The following DPP6 variants were observed in gnomAD, a reference collection of about 807,000 sequenced individuals.
DPP6 encodes A-type potassium channel modulatory protein DPP6.
DPP6 carries 69 observed loss-of-function variants against 122.6 expected under a neutral mutation model. The observed-to-expected ratio is 0.56, with a 90% CI of 0.46 to 0.69. The LOEUF (loss-of-function observed/expected upper bound fraction) is 0.69. Ranked by LOEUF, DPP6 falls within the 30% of genes least tolerant of loss-of-function variation. The pLI is 0.00. For missense variants in DPP6, 928 were observed against 1,116.9 expected (o/e 0.83, Z 2.41); for synonymous variants, 418 against 433.1 (o/e 0.97, Z 0.43).
chr7:154,764,764 C>T (rs547680686), intron 8 of DPP6, among the ~76,000 whole-genome samples: 17 of 152,324 alleles, frequency 1.1e-4, no homozygotes, highest in East Asian at 3.9e-4. Context: ...GTATTACAAA[C>T]TTCCAAGCTT....
chr7:154,764,286 C>A (rs565851145), intron 8 of DPP6, among the ~76,000 whole-genome samples: 8 of 152,234 alleles, frequency 5.3e-5, no homozygotes, highest in Non-Finnish European at 1.2e-4. Flanking sequence ...CTAAGGACCT[C>A]AAGAATTCAC....
In DPP6 at chr7:154,837,222, G is replaced by GCA. The variant is rs543706657; in HGVS notation, c.1667-16548_1667-16547dup. ...CGCACATTCACACATGCACACACAT[G>GCA]CACACACACACGCATGCATAAGGCA... On this transcript the variant is annotated intron_variant, in intron 16 of 25. Transcript: ENST00000377770. 1.8e-3 allele frequency among the ~76,000 whole-genome samples: 261 copies of GCA among 147,202 alleles called. 1 individual carries two copies. The highest frequency in any genetic ancestry group is 7.4e-3 in the Middle Eastern group (2 of 272).
chr7:154,677,525 T>A (rs896600921), intron 7 of DPP6, among the ~76,000 whole-genome samples: 1 of 152,338 alleles, frequency 6.6e-6, no homozygotes. Flanking sequence ...ACCTAAGATA[T>A]GGAGGAAGAG....
chr7:154,438,313 CA>C (rs1023157860), intron 1 of DPP6, among the ~76,000 whole-genome samples: 60 of 150,954 alleles, frequency 4.0e-4, no homozygotes, highest in African/African-American at 1.4e-3. Flanking sequence ...TAAAAAAATA[CA>C]AAAAAATTAG....
chr7:154,760,221 G>T lies in DPP6; in HGVS notation c.884-9196G>T, dbSNP rs924740029. ...CAGTAATTTTATTTTTAAAGGAAAA[G>T]GATTCAGCAGGCGGATTCTGGGATT... On this transcript the variant is annotated intron_variant, in intron 8 of 25. Transcript: ENST00000377770. The surrounding 1 kb of genome is among the most constrained non-coding windows in gnomAD (Gnocchi z 4.5). 3.3e-5 allele frequency among the ~76,000 whole-genome samples: 5 copies of T among 152,200 alleles called. No individual in the cohort carries two copies. The highest frequency in any genetic ancestry group is 7.3e-5 in the Non-Finnish European group (5 of 68,042).
intron 1 of DPP6, among the ~76,000 whole-genome samples, chr7:154,225,134 T>C (rs111548362): frequency 0.047 from 7,215 of 152,114 alleles, 558 homozygotes; most frequent in African/African-American, 0.16. Flanking sequence ...AGAGTGAGAC[T>C]CTGTCTCAAA....
chr7:154,534,521 T>C (rs1309717354), intron 3 of DPP6, among the ~76,000 whole-genome samples: 1 of 152,134 alleles, frequency 6.6e-6, no homozygotes, highest in Non-Finnish European at 1.5e-5. Context: ...AACAAAAAAG[T>C]GCATTGAGTA....
At chr7:154,708,989 A>T (rs1394690160) in intron 7 of DPP6, among the ~76,000 whole-genome samples, 1 of 152,174 alleles carries the variant, frequency 6.6e-6, no homozygotes, top group Non-Finnish European at 1.5e-5. Context: ...CAGAGGTTGC[A>T]GTGAGCCAAG....
intron 1 of DPP6, among the ~76,000 whole-genome samples, chr7:154,321,138 C>A (rs948599305): frequency 6.6e-6 from 1 of 151,966 alleles, no homozygotes; most frequent in African/African-American, 2.4e-5. Context: ...CCAAAATTAG[C>A]AGGTGGTGCA....
intron 1 of DPP6, among the ~76,000 whole-genome samples, chr7:153,941,732 T>TC (rs1204231210): frequency 1.3e-5 from 2 of 152,170 alleles, no homozygotes; most frequent in Non-Finnish European, 2.9e-5. Context: ...TGAAGGTGTA[T>TC]CAGGTACACA....
intron 1 of DPP6, among the ~76,000 whole-genome samples, chr7:154,120,167 T>C (rs1351853317): frequency 1.3e-5 from 2 of 152,218 alleles, no homozygotes; most frequent in African/African-American, 2.4e-5. Context: ...TTATAATTTT[T>C]TTTTATTTTT....
chr7:154,425,621 G>GGTGTGTGTGT (rs3056535), intron 1 of DPP6, among the ~76,000 whole-genome samples: 24 of 121,514 alleles, frequency 2.0e-4, no homozygotes, highest in African/African-American at 8.3e-4. Context: ...TGTGTGTGTG[G>GGTGTGTGTGT]GTGTGTGTGT....
At chr7:154,581,944 C>A (rs1832100966) in intron 5 of DPP6, among the ~76,000 whole-genome samples, 1 of 152,210 alleles carries the variant, frequency 6.6e-6, no homozygotes, top group Non-Finnish European at 1.5e-5. Context: ...CCACATGTCA[C>A]CCAGAGGCAG....
At chr7:153,749,992 A>G in the DPP6 span, among the ~76,000 whole-genome samples, 1 of 152,188 alleles carries the variant, frequency 6.6e-6, no homozygotes, top group Non-Finnish European at 1.5e-5. The surrounding 1 kb of genome is among the most constrained non-coding windows in gnomAD (Gnocchi z 4.1). Flanking sequence ...ATATATGTTT[A>G]TTAGCTCTTA....
At chr7:154,576,792 AG>A (rs1317031583) in intron 5 of DPP6, among the ~76,000 whole-genome samples, 165 of 152,330 alleles carry the variant, frequency 1.1e-3, no homozygotes, top group Non-Finnish European at 1.3e-4. Flanking sequence ...AGACCCTGGT[AG>A]GTGTCCCCTG....
chr7:154,281,419 T>C (rs1048642389), intron 1 of DPP6, among the ~76,000 whole-genome samples: 2 of 152,214 alleles, frequency 1.3e-5, no homozygotes, highest in Non-Finnish European at 2.9e-5. Flanking sequence ...GACTGTGTCT[T>C]CCTTGAATTG....
In DPP6 at chr7:154,635,547, A is replaced by G. The variant is rs1440168485; in HGVS notation, c.628-2274A>G. ...TGTTTTCTCTGGATTTAAACTAGCT[A>G]TATTACTTACCTATTGCTGTATAAG... On this transcript the variant is annotated intron_variant, in intron 5 of 25. Coordinates refer to ENST00000377770, the MANE Select transcript of DPP6 (RefSeq NM_130797.4). 5.3e-5 allele frequency among the ~76,000 whole-genome samples: 8 copies of G among 152,238 alleles called. No individual in the cohort carries two copies. In the South Asian group the frequency reaches 1.4e-3, roughly 28 times the overall value.
chr7:154,806,660 G>A (rs913554139), intron 15 of DPP6, among the ~76,000 whole-genome samples: 1 of 152,218 alleles, frequency 6.6e-6, no homozygotes, highest in Admixed American at 6.5e-5. Context: ...CAGATAGAGT[G>A]CTAGATCATA....
the DPP6 span, among the ~76,000 whole-genome samples, chr7:153,817,690 C>G: frequency 6.8e-6 from 1 of 146,050 alleles, no homozygotes; most frequent in East Asian, 2.1e-4. Flanking sequence ...ACCACATGTT[C>G]TCACTCATAG....
Sources: allele counts gnomAD v4.1 joint callset (sites outside exome capture counted in the v4.1 genomes callset), GRCh38; gene constraint gnomAD v4.1.1; non-coding constraint Gnocchi (gnomAD v3.1); transcripts MANE v1.5; gene names NCBI Gene and HGNC (gene_info 2026-07-23, HGNC 2026-07-21).